The following TYK2 variants were observed in gnomAD, a reference collection of about 807,000 sequenced individuals.
TYK2 encodes non-receptor tyrosine-protein kinase TYK2.
TYK2 carries 65 observed loss-of-function variants against 130.9 expected under a neutral mutation model. The ratio of observed to expected loss-of-function variants is 0.50; its 90% confidence interval spans 0.41 to 0.61. The LOEUF is 0.61. TYK2 is among the 20% of genes least tolerant of loss of function. The pLI is 0.00. For missense variants in TYK2, 1,378 were observed against 1,610.7 expected, an observed-to-expected ratio of 0.86 and a Z score of 2.47; for synonymous variants, 647 against 658.9, an observed-to-expected ratio of 0.98 and a Z score of 0.28.
intron 3 of TYK2, among the ~76,000 whole-genome samples, chr19:10,377,625 TGG>T: frequency 1.5e-5 from 1 of 68,252 alleles, no homozygotes; most frequent in Non-Finnish European, 2.8e-5. Context: ...GATGGGTGGA[TGG>T]GTGGGTGGAT....
rs983342358 is a variant in TYK2 at position 10,364,449 on chromosome 19, G to A, written c.1367+165C>T. ...GAATCGCTTGAACCCGGGAGGCGGA[G>A]GCTGCAGTGAGCTGAGATCATGCCA... On this transcript the variant is annotated intron_variant, in intron 9 of 24. Coordinates refer to ENST00000525621, the MANE Select transcript of TYK2 (RefSeq NM_003331.5). The surrounding 1 kb of genome is among the most constrained non-coding windows in gnomAD (Gnocchi z 4.9). Among the ~76,000 whole-genome samples, 7 of 152,106 alleles carry A rather than the reference G, an allele frequency of 4.6e-5. No homozygotes were observed. The highest frequency in any genetic ancestry group is 1.7e-4 in the African/African-American group (7 of 41,428).
At chr19:10,357,562 T>G (rs1332149892) in intron 17 of TYK2, 1 of 759,672 alleles carries the variant, frequency 1.3e-6, no homozygotes, top group African/African-American at 1.7e-5. Context: ...GCCTTCTGTG[T>G]GCCAGGCACA....
At chr19:10,351,022 G>A (rs1278062352) in intron 24 of TYK2, 30 bp downstream of exon 24, 1 of 1,614,146 alleles carries the variant, frequency 6.2e-7, no homozygotes, top group Non-Finnish European at 8.5e-7. Flanking sequence ...GCAGGATAGT[G>A]GGGTCAGGGA....
chr19:10,357,650 G>A, intron 17 of TYK2, 114 bp downstream of exon 17: 1 of 1,440,110 alleles, frequency 6.9e-7, no homozygotes, highest in Non-Finnish European at 9.5e-7. Context: ...GTAGCCCAGA[G>A]AGACTTGAAG....
chr19:10,362,222 A>T, intron 11 of TYK2, 41 bp from the exon 12 acceptor site: 1 of 1,613,036 alleles, frequency 6.2e-7, no homozygotes. Flanking sequence ...GGCCTGGGGG[A>T]GAGATGCCAC....
At chr19:10,360,119 T>A (rs1599340620) in intron 14 of TYK2, among the ~76,000 whole-genome samples, 1 of 148,406 alleles carries the variant, frequency 6.7e-6, no homozygotes, top group East Asian at 2.0e-4. Context: ...GAGGCGGAGG[T>A]TGCAGTGAGC....
At position 10,351,178 on chromosome 19, in the gene TYK2, G is replaced by A; in HGVS notation, c.3319-16C>T. On this transcript the variant is annotated splice_polypyrimidine_tract_variant and intron_variant, in intron 23 of 24. Transcript: ENST00000525621. ...CAAGGAATTTCTACAGTATAAACAA[G>A]ACAAGCTCTTTTCAAGAGGCAATGA... is the stretch of plus-strand genomic sequence containing the variant. 1 of 1,605,458 alleles carries A rather than the reference G, an allele frequency of 6.2e-7. No homozygotes were observed. The highest frequency in any genetic ancestry group is 8.5e-7 in the Non-Finnish European group (1 of 1,173,452).
At position 10,350,644 on chromosome 19, in the gene TYK2, A is replaced by T; in HGVS notation, c.*190T>A. The T allele has an allele frequency of 1.5e-6, 1 of 664,450 alleles. No individual in the cohort carries two copies. Among genetic ancestry groups the T allele is most frequent in the Non-Finnish European group, 2.5e-6 (1 of 398,384 alleles). The allele number at this position is 664,450 out of a possible 1,614,324, so 41.2% of individuals were successfully genotyped here. ...CCCTACAAATGTTGGGTCCCTCAAG[A>T]TCATGGTTAGGCTCACGGCCAAGAA... On this transcript the variant is annotated 3_prime_UTR_variant, in exon 25 of 25. Coordinates refer to ENST00000525621, the MANE Select transcript of TYK2 (RefSeq NM_003331.5).
At chr19:10,359,588 G>C (rs1161768402) in intron 14 of TYK2, among the ~76,000 whole-genome samples, 1 of 152,122 alleles carries the variant, frequency 6.6e-6, no homozygotes, top group Non-Finnish European at 1.5e-5. Context: ...GCTCACGCCT[G>C]TAATCCCAGC....
chr19:10,368,477 G>C lies in TYK2; in HGVS notation c.194-59C>G. ...GTCATTTGCTACCGTCAGCCCCAAA[G>C]ACCCCCCAGACCCAATGTCTGCCTT... On this transcript the variant is annotated intron_variant, in intron 3 of 24. Coordinates refer to ENST00000525621, the MANE Select transcript of TYK2 (RefSeq NM_003331.5). 3 of 1,610,818 alleles carry C rather than the reference G, an allele frequency of 1.9e-6. No individual in the cohort carries two copies. The South Asian group carries it at 3.3e-5, about 18-fold the overall frequency.
rs377212879 is a variant in TYK2, at chr19:10,354,574, G to T, written c.2653C>A (p.Pro885Thr). 93 of 1,613,958 alleles carry T rather than the reference G, an allele frequency of 5.8e-5. No individual in the cohort carries two copies. The highest frequency in any genetic ancestry group is 7.5e-5 in the Non-Finnish European group (89 of 1,180,048). Residue 885 changes from proline to threonine, a missense_variant, in exon 19 of 25, where the codon CCG (proline) becomes ACG (threonine). Transcript: ENST00000525621. ...ADVLTVNPDS[P>T]ASDPTVFHKR... is the part of the protein sequence containing the mutation. ...TGGAAAACCGTAGGGTCCGACGCCG[G>T]TGAGTCCGGGTTCACAGTCAAGACG...
chr19:10,353,863 A>G lies in TYK2; in HGVS notation c.2908+179T>C, dbSNP rs1239005148. ...GTCCATCCTGGCCCCAGCAGGTAGC[A>G]CCCCCCAGATGGGAAGGAGGCAGCC... On this transcript the variant is annotated intron_variant, in intron 20 of 24. Coordinates refer to ENST00000525621, the MANE Select transcript of TYK2 (RefSeq NM_003331.5). This position sits in a 1 kb window ranked among gnomAD's most constrained non-coding sequence, Gnocchi z 6.9. The G allele has an allele frequency of 1.3e-6, 1 of 747,582 alleles. No homozygotes were observed. The highest frequency in any genetic ancestry group is 2.7e-5 in the East Asian group (1 of 37,088). 46.3% of individuals were successfully genotyped at this position (747,582 alleles called of 1,614,324 possible).
intron 15 of TYK2, 34 bp from the exon 16 acceptor site, chr19:10,358,172 A>G (rs372112457): frequency 2.5e-6 from 4 of 1,584,018 alleles, no homozygotes; most frequent in Admixed American, 3.6e-5. Flanking sequence ...GTGGCCACTC[A>G]GGAGAGGCAC....
chr19:10,357,275 C>G (rs902712151), intron 17 of TYK2: 140 of 560,262 alleles, frequency 2.5e-4, no homozygotes, highest in African/African-American at 5.6e-5. Flanking sequence ...TGTAATCCCC[C>G]CTACTCGGGA....
rs1335017661 is a variant in TYK2 at position 10,361,349 on chromosome 19, T to C, written c.2047+162A>G. On this transcript the variant is annotated intron_variant, in intron 14 of 24. Coordinates refer to ENST00000525621, the MANE Select transcript of TYK2 (RefSeq NM_003331.5). This position sits in a 1 kb window ranked among gnomAD's most constrained non-coding sequence, Gnocchi z 4.0. ...TGGAATATCGTTAGGGGTTGGGGTC[T>C]AGGTTGAAGGTCAAGGTGTAGCCCG... 2.8e-6 allele frequency: 2 copies of C among 717,582 alleles called. No homozygotes were observed. The highest frequency in any genetic ancestry group is 3.5e-5 in the African/African-American group (2 of 57,640). 44.5% of individuals were successfully genotyped at this position (717,582 alleles called of 1,614,324 possible).
At position 10,364,434 on chromosome 19, in the gene TYK2, A is replaced by C. The variant is rs2041551252; in HGVS notation, c.1367+180T>G. ...GAGGCTGAGGCAGGAGAATCGCTTG[A>C]ACCCGGGAGGCGGAGGCTGCAGTGA... On this transcript the variant is annotated intron_variant, in intron 9 of 24. Coordinates refer to ENST00000525621, the MANE Select transcript of TYK2 (RefSeq NM_003331.5). The surrounding 1 kb of genome is among the most constrained non-coding windows in gnomAD (Gnocchi z 4.9). Among the ~76,000 whole-genome samples, 1 of 152,070 alleles carries C rather than the reference A, an allele frequency of 6.6e-6. No individual in the cohort carries two copies. Among genetic ancestry groups the C allele is most frequent in the African/African-American group, 2.4e-5 (1 of 41,406 alleles).
chr19:10,370,904 A>G (rs1313100632), intron 3 of TYK2, among the ~76,000 whole-genome samples: 1 of 151,366 alleles, frequency 6.6e-6, no homozygotes, highest in Non-Finnish European at 1.5e-5. Flanking sequence ...TTGGGAGGCT[A>G]AGGCGGGAGA....
Position 10,362,588 on chromosome 19 carries a change from G to C in TYK2, c.1437C>G (p.His479Gln). The change falls in exon 10 of 25, where the codon CAC becomes CAG. Residue 479 changes from histidine (H) to glutamine (Q), a missense_variant. Coordinates refer to ENST00000525621, the MANE Select transcript of TYK2 (RefSeq NM_003331.5). ...GLYLIHWSTS[H>Q]PYRLILTVAQ... ...CCACTGTGAGGATCAGGCGGTAGGGGTGGCTGGTGCTCCAGTGAATGAGGT... is the reference window on the plus strand; with the variant it reads ...CCACTGTGAGGATCAGGCGGTAGGGCTGGCTGGTGCTCCAGTGAATGAGGT... The C allele has an allele frequency of 1.3e-6, 2 of 1,553,998 alleles. No individual in the cohort carries two copies. Among genetic ancestry groups the C allele is most frequent in the East Asian group, 2.4e-5 (1 of 41,126 alleles).
At chr19:10,355,706 G>A (rs1486328899) in intron 18 of TYK2, among the ~76,000 whole-genome samples, 1 of 151,226 alleles carries the variant, frequency 6.6e-6, no homozygotes, top group Non-Finnish European at 1.5e-5. Flanking sequence ...GCTCATGCCT[G>A]TAATCCCAGC....
Sources: gnomAD v4.1 joint callset for allele counts (sites outside exome capture counted in the v4.1 genomes callset) on GRCh38, gnomAD v4.1.1 for gene constraint, Gnocchi (gnomAD v3.1) non-coding constraint, MANE v1.5 for transcripts, NCBI Gene and HGNC (gene_info 2026-07-23, HGNC 2026-07-21) for gene names.